STRN3: variants seen among roughly 807,000 people sequenced by gnomAD.
STRN3 encodes striatin-3.
In STRN3, 29 loss-of-function variants were observed where a neutral mutation model predicts 95.6. That is an observed-to-expected ratio of 0.30 (90% CI 0.23 to 0.41). The LOEUF (loss-of-function observed/expected upper bound fraction) is 0.41, where lower values mean the gene tolerates loss of function less well. STRN3 is among the 10% of genes least tolerant of loss of function. The pLI, the probability that STRN3 is intolerant of heterozygous loss-of-function variation, is 1.00. For missense variants in STRN3, 890 were observed against 972.1 expected, an observed-to-expected ratio of 0.92 and a Z score of 1.12; for synonymous variants, 331 against 357.6, an observed-to-expected ratio of 0.93 and a Z score of 0.84.
intron 1 of STRN3, among the ~76,000 whole-genome samples, chr14:30,994,535 TA>T (rs1882110489): frequency 6.6e-6 from 1 of 151,852 alleles, no homozygotes; most frequent in Admixed American, 6.6e-5. Flanking sequence ...CAAAACCAAA[TA>T]AACTAAAAAC....
intron 1 of STRN3, among the ~76,000 whole-genome samples, chr14:31,004,114 T>C (rs568291751): frequency 2.0e-5 from 3 of 151,802 alleles, no homozygotes; most frequent in African/African-American, 7.2e-5. Flanking sequence ...TGAAACCCCA[T>C]CTCTACAAAA....
At chr14:30,930,976 A>G (rs2139057016) in intron 7 of STRN3, among the ~76,000 whole-genome samples, 1 of 152,342 alleles carries the variant, frequency 6.6e-6, no homozygotes, top group East Asian at 1.9e-4. Flanking sequence ...GAAATTAGAT[A>G]GAACAGAAAA....
At chr14:30,930,546 G>A (rs1878479725) in intron 7 of STRN3, among the ~76,000 whole-genome samples, 1 of 152,068 alleles carries the variant, frequency 6.6e-6, no homozygotes, top group Non-Finnish European at 1.5e-5. Context: ...ATCACAGGTG[G>A]TCGGTCAGTA....
chr14:30,926,332 A>G (rs1056013060), intron 8 of STRN3, among the ~76,000 whole-genome samples: 1 of 152,066 alleles, frequency 6.6e-6, no homozygotes. Context: ...TAAATACACA[A>G]AAATTATATT....
intron 3 of STRN3, among the ~76,000 whole-genome samples, chr14:30,955,416 A>G (rs1348300735): frequency 6.6e-6 from 1 of 152,172 alleles, no homozygotes; most frequent in Non-Finnish European, 1.5e-5. Context: ...ATTTCAACTC[A>G]AGGATAATAA....
In STRN3 at chr14:31,026,182, C is replaced by T; in HGVS notation, c.4G>A (p.Asp2Asn). The part of the protein sequence containing the change: M[D>N]ELAGGGGGGP... Reference sequence around the variant, plus strand: ...CCACCACCGCCTCCGGCAAGCTCGTCCATTGTGTGTGGGGCCCCGGCCGGG... The same window carrying T: ...CCACCACCGCCTCCGGCAAGCTCGTTCATTGTGTGTGGGGCCCCGGCCGGG... Residue 2 changes from aspartate to asparagine, a missense_variant, in exon 1 of 18, where the codon GAC (aspartate) becomes AAC (asparagine). Around this residue, in one of 3 missense-constraint regions of STRN3, gnomAD observed 526 missense variants for 526.3 expected, o/e 1.00. Coordinates refer to ENST00000357479, the MANE Select transcript of STRN3 (RefSeq NM_001083893.2). 5 of 1,468,796 alleles carry T rather than the reference C, an allele frequency of 3.4e-6. No individual in the cohort carries two copies. The highest frequency in any genetic ancestry group is 4.5e-6 in the Non-Finnish European group (5 of 1,118,690). 91.0% of individuals were successfully genotyped at this position (1,468,796 alleles called of 1,614,324 possible).
At chr14:30,968,422 C>T (rs939760948) in intron 1 of STRN3, among the ~76,000 whole-genome samples, 2 of 149,432 alleles carry the variant, frequency 1.3e-5, no homozygotes, top group Non-Finnish European at 3.0e-5. Context: ...TGGCTCATGC[C>T]TGTAATCCCA....
At chr14:31,000,670 G>A (rs1336949317) in intron 1 of STRN3, among the ~76,000 whole-genome samples, 6 of 152,080 alleles carry the variant, frequency 3.9e-5, no homozygotes, top group South Asian at 4.1e-4. Context: ...AATGTTACAC[G>A]TCAACCCATT....
rs187238662 is a variant in STRN3 at position 30,977,947 on chromosome 14, A to G, written c.283-21705T>C. 9.2e-5 allele frequency among the ~76,000 whole-genome samples: 14 copies of G among 152,312 alleles called. 1 individual carries two copies. Among genetic ancestry groups the G allele is most frequent in the Middle Eastern group, 3.4e-3 (1 of 294 alleles). ...CAATTCCTTGAAAGACACAATCTAC[A>G]AAAACTTACATAAGGAGCAATAAAT... On this transcript the variant is annotated intron_variant, in intron 1 of 17. Transcript: ENST00000357479.
At chr14:31,017,956 T>C (rs1471291777) in intron 1 of STRN3, among the ~76,000 whole-genome samples, 1 of 151,674 alleles carries the variant, frequency 6.6e-6, no homozygotes, top group Non-Finnish European at 1.5e-5. Context: ...TGCATGCCTG[T>C]AATCCCAGCT....
intron 1 of STRN3, among the ~76,000 whole-genome samples, chr14:31,004,950 A>G (rs1428173049): frequency 3.3e-5 from 5 of 152,138 alleles, no homozygotes; most frequent in Non-Finnish European, 7.4e-5. Flanking sequence ...CCTTTTCTCC[A>G]GAGATGATGC....
intron 14 of STRN3, among the ~76,000 whole-genome samples, chr14:30,906,302 G>A (rs918959857): frequency 6.6e-6 from 1 of 152,052 alleles, no homozygotes; most frequent in African/African-American, 2.4e-5. Flanking sequence ...AAAACAATAT[G>A]TATTTTTATG....
intron 8 of STRN3, among the ~76,000 whole-genome samples, chr14:30,924,964 C>T (rs1161468163): frequency 2.6e-5 from 4 of 152,070 alleles, no homozygotes; most frequent in African/African-American, 9.7e-5. Flanking sequence ...ACTATTCTCA[C>T]AAAATTTTCT....
intron 1 of STRN3, among the ~76,000 whole-genome samples, chr14:31,013,902 AT>A (rs1484414183): frequency 9.1e-6 from 1 of 109,812 alleles, no homozygotes; most frequent in Non-Finnish European, 2.1e-5. Flanking sequence ...TATTATTATT[AT>A]TATTATTATT....
chr14:30,933,362 C>T (rs1039572722), intron 7 of STRN3, among the ~76,000 whole-genome samples: 12 of 140,630 alleles, frequency 8.5e-5, no homozygotes, highest in African/African-American at 2.9e-4. Flanking sequence ...CAACATTTAG[C>T]AAAATCCTGT....
intron 13 of STRN3, among the ~76,000 whole-genome samples, chr14:30,908,095 C>CT (rs1896513977): frequency 6.6e-6 from 1 of 152,188 alleles, no homozygotes; most frequent in Non-Finnish European, 1.5e-5. Flanking sequence ...AGCAAGGAAT[C>CT]TGTCCTCCAT....
At chr14:30,909,766 T>C (rs570966877) in intron 13 of STRN3, among the ~76,000 whole-genome samples, 20 of 152,282 alleles carry the variant, frequency 1.3e-4, no homozygotes, top group East Asian at 1.2e-3. Context: ...GCATGGACCA[T>C]TGTGTCCAGC....
At chr14:30,906,791 AAAG>A (rs1473175699) in intron 14 of STRN3, 83 bp downstream of exon 14, 1 of 1,330,660 alleles carries the variant, frequency 7.5e-7, no homozygotes, top group African/African-American at 1.5e-5. Context: ...TTGGAACAGT[AAAG>A]AAATACATCA....
chr14:30,978,566 T>C (rs1353764671), intron 1 of STRN3, among the ~76,000 whole-genome samples: 1 of 152,164 alleles, frequency 6.6e-6, no homozygotes, highest in East Asian at 1.9e-4. Context: ...AAGGCAAGGA[T>C]CTCCTCTTTC....
Sources: gnomAD v4.1 joint callset for allele counts (sites outside exome capture counted in the v4.1 genomes callset) on GRCh38, gnomAD v4.1.1 for gene constraint, gnomAD v4.1.1 regional missense constraint, MANE v1.5 for transcripts, NCBI Gene and HGNC (gene_info 2026-07-23, HGNC 2026-07-21) for gene names.